The following NEK11 variants were observed in gnomAD, a reference collection of about 807,000 sequenced individuals.
NEK11 encodes NIMA related kinase 11, also known as serine/threonine-protein kinase Nek11.
Under a neutral mutation model 80.7 loss-of-function variants are expected in NEK11, and 72 were observed. The ratio of observed to expected loss-of-function variants is 0.89; its 90% confidence interval spans 0.74 to 1.08. The LOEUF (loss-of-function observed/expected upper bound fraction) is 1.08. Among genes scored for constraint, NEK11 ranks in the 50% least tolerant of loss-of-function variants. The probability of loss-of-function intolerance (pLI) is 0.00; values close to 1 mark genes in which losing one functional copy is unlikely to be tolerated. For synonymous variants in NEK11, 251 were observed against 260.7 expected, an observed-to-expected ratio of 0.96 and a Z score of 0.36; for missense variants, 764 against 763.6, an observed-to-expected ratio of 1.00 and a Z score of -0.01.
chr3:131,269,266 G>A (rs2096128221), intron 16 of NEK11, among the ~76,000 whole-genome samples: 1 of 152,190 alleles, frequency 6.6e-6, no homozygotes, highest in African/African-American at 2.4e-5. Context: ...CCCCTTTCCA[G>A]GGAAGTGAAC....
At chr3:131,226,183 T>C (rs183489545) in intron 14 of NEK11, among the ~76,000 whole-genome samples, 134 of 152,084 alleles carry the variant, frequency 8.8e-4, no homozygotes, top group African/African-American at 3.1e-3. Context: ...AAGGAAGACA[T>C]CATATGGTTC....
intron 16 of NEK11, among the ~76,000 whole-genome samples, chr3:131,268,550 T>C (rs1349260472): frequency 6.6e-6 from 1 of 152,226 alleles, no homozygotes. Flanking sequence ...CTGCTGGAGT[T>C]TGCTGGAGGT....
At position 131,350,098 on chromosome 3, in the gene NEK11, G is replaced by C. The variant is rs186700334; in HGVS notation, c.*322G>C. ...CCCTGACGATGACCGGGGAGAAGCC[G>C]TGTGCTCTTCATTATTTTCAGCTGG... is the stretch of plus-strand genomic sequence containing the variant. On this transcript the variant is annotated 3_prime_UTR_variant, in exon 18 of 18. Coordinates refer to ENST00000383366, the MANE Select transcript of NEK11 (RefSeq NM_024800.5). 1.1e-3 allele frequency: 309 copies of C among 275,062 alleles called. 1 individual carries two copies. Among genetic ancestry groups the C allele is most frequent in the Non-Finnish European group, 1.8e-3 (252 of 142,524 alleles). The allele number at this position is 275,062 out of a possible 1,614,324, so 17.0% of individuals were successfully genotyped here. A position where few individuals can be genotyped will look rare whatever the true frequency, so the allele number is the denominator to read the frequency against.
Position 131,033,834 on chromosome 3 carries a change from T to G in NEK11, c.170+3956T>G, listed in dbSNP as rs1042286495. Among the ~76,000 whole-genome samples, 7 of 152,338 alleles carry G rather than the reference T, an allele frequency of 4.6e-5. No homozygotes were observed. The East Asian group carries it at 1.4e-3, about 29-fold the overall frequency. ...CTTGATGCATGTTTGGAGAGTTTTCTTCCTGGCATAAATATTGGGCATCCC... is the reference window on the plus strand; with the variant it reads ...CTTGATGCATGTTTGGAGAGTTTTCGTCCTGGCATAAATATTGGGCATCCC... On this transcript the variant is annotated intron_variant, in intron 3 of 17. Transcript: ENST00000383366.
At chr3:131,088,973 A>G (rs2076373095) in intron 4 of NEK11, among the ~76,000 whole-genome samples, 1 of 152,138 alleles carries the variant, frequency 6.6e-6, no homozygotes, top group African/African-American at 2.4e-5. Context: ...CTTTACCTCC[A>G]TTTATTGGTA....
At chr3:131,031,977 T>A (rs1009310858) in intron 3 of NEK11, among the ~76,000 whole-genome samples, 1 of 151,932 alleles carries the variant, frequency 6.6e-6, no homozygotes, top group Non-Finnish European at 1.5e-5. Flanking sequence ...TTTTTTTTTT[T>A]TTGAGGCGGA....
chr3:131,051,044 A>C (rs770223664), intron 3 of NEK11, among the ~76,000 whole-genome samples: 58 of 152,216 alleles, frequency 3.8e-4, no homozygotes, highest in Non-Finnish European at 7.3e-4. Context: ...AAAAAAAATT[A>C]GTATAACCAA....
chr3:131,218,015 A>G (rs568916185), intron 14 of NEK11, among the ~76,000 whole-genome samples: 2 of 152,342 alleles, frequency 1.3e-5, no homozygotes, highest in South Asian at 2.1e-4. Flanking sequence ...GCAGTGCCAC[A>G]GATGTGGGCT....
intron 17 of NEK11, among the ~76,000 whole-genome samples, chr3:131,284,633 A>G (rs917027390): frequency 1.3e-5 from 2 of 152,190 alleles, no homozygotes; most frequent in African/African-American, 4.8e-5. Context: ...CCTACCCTCA[A>G]TCTGGGTGGG....
At chr3:131,193,649 T>C (rs550583665) in intron 14 of NEK11, among the ~76,000 whole-genome samples, 6 of 152,322 alleles carry the variant, frequency 3.9e-5, no homozygotes, top group African/African-American at 1.2e-4. Flanking sequence ...TTCAGTGTTA[T>C]TGTAATGATC....
At chr3:131,327,651 C>T (rs2096990841) in intron 17 of NEK11, 3 of 151,280 alleles carry the variant, frequency 2.0e-5, no homozygotes, top group Admixed American at 2.0e-4. Flanking sequence ...ACTCTTGCCG[C>T]CTCTCAGAAA....
chr3:131,214,095 C>T (rs2094729586), intron 14 of NEK11, among the ~76,000 whole-genome samples: 1 of 152,226 alleles, frequency 6.6e-6, no homozygotes, highest in Non-Finnish European at 1.5e-5. Context: ...TGACCTTAGA[C>T]TTCCCAGCCT....
At chr3:131,336,911 T>C (rs1362854646) in intron 17 of NEK11, among the ~76,000 whole-genome samples, 3 of 151,964 alleles carry the variant, frequency 2.0e-5, no homozygotes, top group Non-Finnish European at 2.9e-5. Flanking sequence ...AAAACCACAA[T>C]GAGATACCAT....
intron 3 of NEK11, among the ~76,000 whole-genome samples, chr3:131,069,139 A>C (rs28419455): frequency 1.5e-4 from 23 of 151,986 alleles, no homozygotes; most frequent in Admixed American, 1.5e-3. Flanking sequence ...AGATTTTTTT[A>C]TTTTTTATTT....
chr3:131,050,771 G>A (rs2068248235), intron 3 of NEK11, among the ~76,000 whole-genome samples: 1 of 152,238 alleles, frequency 6.6e-6, no homozygotes, highest in South Asian at 2.1e-4. Context: ...GCTCATGCCT[G>A]TAATCCCAAC....
At chr3:131,116,746 A>G (rs2081298545) in intron 5 of NEK11, among the ~76,000 whole-genome samples, 3 of 152,002 alleles carry the variant, frequency 2.0e-5, no homozygotes, top group Admixed American at 6.5e-5. Flanking sequence ...GCATTTTTTC[A>G]TGTGTCTTTT....
intron 14 of NEK11, among the ~76,000 whole-genome samples, chr3:131,227,988 C>G (rs930723559): frequency 2.0e-5 from 3 of 152,188 alleles, no homozygotes; most frequent in African/African-American, 7.2e-5. Context: ...GCCATCATTA[C>G]CTGTTAGAAA....
intron 14 of NEK11, among the ~76,000 whole-genome samples, chr3:131,197,201 C>T (rs1226942357): frequency 1.3e-5 from 2 of 152,108 alleles, no homozygotes; most frequent in Non-Finnish European, 2.9e-5. Flanking sequence ...CTCTGAGTAC[C>T]CCCTCTCAAC....
intron 14 of NEK11, chr3:131,175,034 C>A (rs541630088): frequency 1.6e-6 from 2 of 1,274,626 alleles, no homozygotes; most frequent in South Asian, 5.4e-5. Flanking sequence ...CCTGTAGGAG[C>A]CCCACATGCC....
Sources: gnomAD v4.1 joint callset for allele counts (sites outside exome capture counted in the v4.1 genomes callset) on GRCh38, gnomAD v4.1.1 for gene constraint, MANE v1.5 for transcripts, NCBI Gene and HGNC (gene_info 2026-07-23, HGNC 2026-07-21) for gene names.